The following GPATCH2 variants were observed in gnomAD, a reference collection of about 807,000 sequenced individuals.
GPATCH2 encodes the protein G-patch domain containing 2, also known as G patch domain-containing protein 2.
GPATCH2 carries 51 observed loss-of-function variants against 58.0 expected under a neutral mutation model. That is an observed-to-expected ratio of 0.88 (90% CI 0.70 to 1.11). GPATCH2 has a LOEUF of 1.11. Among genes scored for constraint, GPATCH2 ranks in the 50% most tolerant of loss-of-function variants. The pLI is 0.00. For missense variants in GPATCH2, 625 were observed against 652.2 expected, an observed-to-expected ratio of 0.96 and a Z score of 0.45; for synonymous variants, 222 against 218.5, an observed-to-expected ratio of 1.02 and a Z score of -0.14.
At chr1:217,451,492 T>C (rs545732303) in intron 8 of GPATCH2, among the ~76,000 whole-genome samples, 8 of 152,356 alleles carry the variant, frequency 5.3e-5, no homozygotes, top group African/African-American at 1.9e-4. Flanking sequence ...TTGAGCTTCT[T>C]TGACTTCTCC....
intron 5 of GPATCH2, among the ~76,000 whole-genome samples, chr1:217,605,923 G>A (rs1329562001): frequency 6.6e-6 from 1 of 152,010 alleles, no homozygotes; most frequent in Admixed American, 6.5e-5. Flanking sequence ...GAATCTCCTG[G>A]ATAATAGCCT....
intron 5 of GPATCH2, among the ~76,000 whole-genome samples, chr1:217,557,664 C>T (rs948873698): frequency 5.9e-5 from 9 of 152,226 alleles, no homozygotes; most frequent in African/African-American, 1.9e-4. Flanking sequence ...TCTCTTCATC[C>T]TTGATTAAAA....
chr1:217,442,977 A>G (rs907721545), intron 9 of GPATCH2, among the ~76,000 whole-genome samples: 3 of 152,164 alleles, frequency 2.0e-5, no homozygotes, highest in African/African-American at 7.2e-5. Flanking sequence ...CAATATTTCT[A>G]TCCTTTTAAG....
At chr1:217,597,782 C>T (rs1667913239) in intron 5 of GPATCH2, among the ~76,000 whole-genome samples, 1 of 152,126 alleles carries the variant, frequency 6.6e-6, no homozygotes, top group South Asian at 2.1e-4. Flanking sequence ...TAGTGGACTC[C>T]ATTCTATCCC....
intron 5 of GPATCH2, among the ~76,000 whole-genome samples, chr1:217,570,131 G>C (rs926567920): frequency 1.3e-5 from 2 of 152,098 alleles, no homozygotes; most frequent in African/African-American, 2.4e-5. Context: ...TATATGTTTT[G>C]AGACAGTCTC....
intron 5 of GPATCH2, among the ~76,000 whole-genome samples, chr1:217,550,613 A>G (rs1665306643): frequency 1.3e-5 from 2 of 152,050 alleles, no homozygotes; most frequent in African/African-American, 4.8e-5. Flanking sequence ...CATAGCTAAT[A>G]TCTATTGACA....
chr1:217,526,433 GA>G (rs1484125911), intron 5 of GPATCH2, among the ~76,000 whole-genome samples: 1 of 152,000 alleles, frequency 6.6e-6, no homozygotes, highest in Non-Finnish European at 1.5e-5. Flanking sequence ...ATGGGGGAGG[GA>G]AAAAGTACAA....
chr1:217,533,369 C>CT (rs1388328418), intron 5 of GPATCH2, among the ~76,000 whole-genome samples: 4 of 152,112 alleles, frequency 2.6e-5, no homozygotes, highest in African/African-American at 9.7e-5. Flanking sequence ...CACACACCTC[C>CT]TGGAGACTAG....
At chr1:217,545,341 T>G (rs1447759378) in intron 5 of GPATCH2, among the ~76,000 whole-genome samples, 1 of 152,168 alleles carries the variant, frequency 6.6e-6, no homozygotes. Flanking sequence ...AGACCATATC[T>G]CAGACTCTGG....
At chr1:217,595,681 G>T (rs998061107) in intron 5 of GPATCH2, among the ~76,000 whole-genome samples, 20 of 151,920 alleles carry the variant, frequency 1.3e-4, no homozygotes, top group Non-Finnish European at 2.2e-4. Flanking sequence ...TGTATTTTTA[G>T]TAGAGAAAGG....
chr1:217,503,934 G>A (rs564160175), intron 6 of GPATCH2, among the ~76,000 whole-genome samples: 1 of 152,228 alleles, frequency 6.6e-6, no homozygotes, highest in African/African-American at 2.4e-5. Flanking sequence ...TTACCATTCT[G>A]CAAATAAAGA....
intron 1 of GPATCH2, among the ~76,000 whole-genome samples, chr1:217,627,453 AT>A (rs1360378085): frequency 2.0e-5 from 3 of 152,080 alleles, no homozygotes; most frequent in African/African-American, 7.2e-5. Flanking sequence ...CTAAAAAAAA[AT>A]TTTAAATCCC....
At chr1:217,503,439 G>C (rs951332203) in intron 6 of GPATCH2, among the ~76,000 whole-genome samples, 1 of 152,186 alleles carries the variant, frequency 6.6e-6, no homozygotes, top group African/African-American at 2.4e-5. Flanking sequence ...AAATGTAGTG[G>C]ATGATGAAAG....
intron 6 of GPATCH2, among the ~76,000 whole-genome samples, chr1:217,507,445 G>C (rs1160978303): frequency 6.6e-6 from 1 of 152,136 alleles, no homozygotes; most frequent in Non-Finnish European, 1.5e-5. Flanking sequence ...TACTAAATCA[G>C]AAAGACCTAA....
chr1:217,500,270 T>A (rs1404222579), intron 6 of GPATCH2, among the ~76,000 whole-genome samples: 1 of 152,064 alleles, frequency 6.6e-6, no homozygotes, highest in African/African-American at 2.4e-5. Context: ...TCTGAAAATA[T>A]GCCCATCCCT....
intron 5 of GPATCH2, among the ~76,000 whole-genome samples, chr1:217,539,165 T>C (rs1664612317): frequency 6.6e-6 from 1 of 152,014 alleles, no homozygotes; most frequent in Admixed American, 6.6e-5. Context: ...ATTAAAAAAA[T>C]AAAACATTGA....
At chr1:217,540,442 T>C (rs1020187526) in intron 5 of GPATCH2, among the ~76,000 whole-genome samples, 1 of 152,220 alleles carries the variant, frequency 6.6e-6, no homozygotes, top group Admixed American at 6.5e-5. Context: ...TGATTACGTG[T>C]GAAAGTAACA....
At chr1:217,437,757 C>G (rs1658909107) in intron 9 of GPATCH2, among the ~76,000 whole-genome samples, 1 of 152,212 alleles carries the variant, frequency 6.6e-6, no homozygotes, top group Non-Finnish European at 1.5e-5. Context: ...ATAAAAAACC[C>G]CATCTCCCTG....
At chr1:217,560,941 G>C (rs1019430906) in intron 5 of GPATCH2, among the ~76,000 whole-genome samples, 1 of 152,196 alleles carries the variant, frequency 6.6e-6, no homozygotes, top group Non-Finnish European at 1.5e-5. Flanking sequence ...ATAGACAGTG[G>C]TAAGTGTTAT....
Sources: gnomAD v4.1 joint callset for allele counts (sites outside exome capture counted in the v4.1 genomes callset) on GRCh38, gnomAD v4.1.1 for gene constraint, MANE v1.5 for transcripts, NCBI Gene and HGNC (gene_info 2026-07-23, HGNC 2026-07-21) for gene names.